Variants in CHD3 observed in about 807,000 individuals in gnomAD.
The protein encoded by CHD3 is chromodomain helicase DNA binding protein 3.
A neutral mutation model predicts 248.9 loss-of-function variants in CHD3; 52 were observed. The observed-to-expected ratio is 0.21, with a 90% CI of 0.17 to 0.26. The LOEUF (loss-of-function observed/expected upper bound fraction) is 0.26, where lower values mean the gene tolerates loss of function less well. CHD3 is among the 10% of genes least tolerant of loss of function. The pLI, the probability that CHD3 is intolerant of heterozygous loss-of-function variation, is 1.00. For synonymous variants in CHD3, 985 were observed against 985.2 expected (o/e 1.00, Z 0.00); for missense variants, 1,482 against 2,605.8 (o/e 0.57, Z 9.39).
In CHD3 at chr17:7,900,132, T is replaced by C. The variant is rs967853615; in HGVS notation, c.2682+99T>C. ...AAAATTCTGGGGATTTTCTGTAGTCTGGGAGGACGTCCAGGTTGGAAGAGG... is the reference window on the plus strand; with the variant it reads ...AAAATTCTGGGGATTTTCTGTAGTCCGGGAGGACGTCCAGGTTGGAAGAGG... On this transcript the variant is annotated intron_variant, in intron 16 of 39. Transcript: ENST00000330494. The surrounding 1 kb of genome is among the most constrained non-coding windows in gnomAD (Gnocchi z 6.5). The C allele has an allele frequency of 2.6e-6, 4 of 1,528,042 alleles. No individual in the cohort carries two copies. The African/African-American group carries it at 5.5e-5, about 21-fold the overall frequency. The allele number at this position is 1,528,042 out of a possible 1,614,324, so 94.7% of individuals were successfully genotyped here.
chr17:7,898,908 G>C (rs960203408), intron 13 of CHD3, 103 bp from the exon 14 acceptor site: 5 of 1,037,708 alleles, frequency 4.8e-6, no homozygotes, highest in Non-Finnish European at 7.5e-6. Context: ...CCATAGTAGA[G>C]GGAATTGTAA....
Position 7,900,254 on chromosome 17 carries a change from G to A in CHD3, c.2683-36G>A. ...TGGGTCGGTCACTTGTCACTAATAA[G>A]CCCATTTTCCTGCCTTGCCTTGCCC... On this transcript the variant is annotated intron_variant, in intron 16 of 39. Transcript: ENST00000330494. This position sits in a 1 kb window ranked among gnomAD's most constrained non-coding sequence, Gnocchi z 6.5. 6.2e-7 allele frequency: 1 copy of A among 1,613,486 alleles called. No individual in the cohort carries two copies. The highest frequency in any genetic ancestry group is 8.5e-7 in the Non-Finnish European group (1 of 1,179,836).
At chr17:7,885,022 C>A (rs1197507620), upstream of CHD3, 1 of 1,198,838 alleles carries the variant, frequency 8.3e-7, no homozygotes, top group East Asian at 3.5e-5. Context: ...GCTGCCACCT[C>A]TTCCCGCCGC....
At chr17:7,896,821 G>A (rs148863706) in intron 10 of CHD3, among the ~76,000 whole-genome samples, 2,816 of 152,108 alleles carry the variant, frequency 0.019, 37 homozygotes, top group Middle Eastern at 0.095. Context: ...ACCACACCTG[G>A]CTAATTTCTG....
In CHD3 at chr17:7,900,082, C is replaced by T; in HGVS notation, c.2682+49C>T. ...AAAACTTGAAGTTGTGGACTTCCCA[C>T]TTGCCTTGGTCCTAAAAAACAACAA... On this transcript the variant is annotated intron_variant, in intron 16 of 39. Transcript: ENST00000330494. This position sits in a 1 kb window ranked among gnomAD's most constrained non-coding sequence, Gnocchi z 6.5. 2 of 1,570,698 alleles carry T rather than the reference C, an allele frequency of 1.3e-6. No homozygotes were observed. The highest frequency in any genetic ancestry group is 1.7e-6 in the Non-Finnish European group (2 of 1,155,432).
At chr17:7,890,355 G>A (rs1031868077) in intron 2 of CHD3, 1 of 402,256 alleles carries the variant, frequency 2.5e-6, no homozygotes, top group African/African-American at 2.1e-5. Context: ...CTTGAACCCG[G>A]GAGGTGGAGG....
chr17:7,890,501 G>C, intron 2 of CHD3, 70 bp from the exon 3 acceptor site: 1 of 1,063,334 alleles, frequency 9.4e-7, no homozygotes. Flanking sequence ...GGTAAGATAT[G>C]GTATGTGCTG....
In CHD3 at chr17:7,901,282, G is replaced by A; in HGVS notation, c.3159G>A (p.Gly1053=). 5 of 1,613,552 alleles carry A rather than the reference G, an allele frequency of 3.1e-6. No individual in the cohort carries two copies. Among genetic ancestry groups the A allele is most frequent in the South Asian group, 2.2e-5 (2 of 91,046 alleles). The change falls in exon 20 of 40, where the codon GGG becomes GGA. Residue 1053 remains glycine, a synonymous_variant. Transcript: ENST00000330494. The stretch of plus-strand genomic sequence containing the variant: ...TCCCCAGTGGGGCTTATGAGGGTGG[G>A]GCACTTATTAAGTCGTCTGGGAAGC... The part of the protein sequence containing the change: ...PKLPSGAYEG[G]ALIKSSGKLM...
chr17:7,885,043 G>GCCGCCA (rs1241916951), upstream of CHD3: 5 of 1,088,750 alleles, frequency 4.6e-6, no homozygotes, highest in Non-Finnish European at 5.6e-6. Context: ...CGCCGCCGCC[G>GCCGCCA]CCGCCACCGC....
At position 7,903,738 on chromosome 17, in the gene CHD3, T is replaced by C. The variant is rs1970576649; in HGVS notation, c.3728-87T>C. 1 of 1,430,938 alleles carries C rather than the reference T, an allele frequency of 7.0e-7. No individual in the cohort carries two copies. The highest frequency in any genetic ancestry group is 2.3e-5 in the East Asian group (1 of 42,664). The allele number at this position is 1,430,938 out of a possible 1,614,324, so 88.6% of individuals were successfully genotyped here. A position where few individuals can be genotyped will look rare whatever the true frequency, so the allele number is the denominator to read the frequency against. On this transcript the variant is annotated intron_variant, in intron 23 of 39. Coordinates refer to ENST00000330494, the MANE Select transcript of CHD3 (RefSeq NM_001005273.3). The surrounding 1 kb of genome is among the most constrained non-coding windows in gnomAD (Gnocchi z 6.8). ...GGGAAAAAGCCTTCTCTAGGGCTCC[T>C]GTGAAAAGGACGCAGAGTAGAAGCT...
rs555142389 is a variant in CHD3 at position 7,903,724 on chromosome 17, T to C, written c.3728-101T>C. 2.7e-5 allele frequency: 36 copies of C among 1,331,942 alleles called. No individual in the cohort carries two copies. The South Asian group carries it at 5.1e-4, about 19-fold the overall frequency. 82.5% of individuals were successfully genotyped at this position (1,331,942 alleles called of 1,614,324 possible). ...AACATTGGCTCCCGGGGAAAAAGCC[T>C]TCTCTAGGGCTCCTGTGAAAAGGAC... On this transcript the variant is annotated intron_variant, in intron 23 of 39. Coordinates refer to ENST00000330494, the MANE Select transcript of CHD3 (RefSeq NM_001005273.3). This position sits in a 1 kb window ranked among gnomAD's most constrained non-coding sequence, Gnocchi z 6.8.
Position 7,895,189 on chromosome 17 carries a change from C to T in CHD3, c.1503+39C>T. 1 of 1,599,528 alleles carries T rather than the reference C, an allele frequency of 6.3e-7. No individual in the cohort carries two copies. ...TCTCCCCTCTGTATTTACTGTCAGG[C>T]CTGATCCCTTCCCCCATCCCTGGGG... is the stretch of plus-strand genomic sequence containing the variant. On this transcript the variant is annotated intron_variant, in intron 9 of 39. Coordinates refer to ENST00000330494, the MANE Select transcript of CHD3 (RefSeq NM_001005273.3). The surrounding 1 kb of genome is among the most constrained non-coding windows in gnomAD (Gnocchi z 4.9).
Position 7,894,449 on chromosome 17 carries a change from G to A in CHD3, c.1110G>A (p.Glu370=). The change falls in exon 8 of 40, where the codon GAG becomes GAA. Residue 370 remains glutamate (E), a synonymous_variant. Coordinates refer to ENST00000330494, the MANE Select transcript of CHD3 (RefSeq NM_001005273.3). ...GTCCTGCAGTGGCCGGGGAGGAGGA[G>A]GTTGATGGCTACGAGACGGATCACC... ...LGCPAVAGEE[E]VDGYETDHQD... is the part of the protein sequence containing the mutation. 1 of 1,614,070 alleles carries A rather than the reference G, an allele frequency of 6.2e-7. No individual in the cohort carries two copies.
chr17:7,885,923 G>C (rs927735407), upstream of CHD3, among the ~76,000 whole-genome samples: 3 of 152,232 alleles, frequency 2.0e-5, no homozygotes, highest in Non-Finnish European at 4.4e-5. Flanking sequence ...TCGGATTGGG[G>C]AGCGGAGAGA....
Position 7,891,002 on chromosome 17 carries a change from T to G in CHD3, c.447T>G (p.His149Gln). ...LLTWGLEDVE[H>Q]VFSEEDYHTL... ...CCTGGGGCCTGGAGGATGTGGAGCA[T>G]GTGTTCTCTGAGGAGGATTACCACA... Residue 149 changes from histidine (H) to glutamine (Q), a missense_variant, in exon 4 of 40, where the codon CAT becomes CAG. Coordinates refer to ENST00000330494, the MANE Select transcript of CHD3 (RefSeq NM_001005273.3). 1 of 1,614,100 alleles carries G rather than the reference T, an allele frequency of 6.2e-7. No individual in the cohort carries two copies. The highest frequency in any genetic ancestry group is 8.5e-7 in the Non-Finnish European group (1 of 1,179,992).
chr17:7,884,827 C>CGAG (rs781353736), upstream of CHD3: 43 of 803,768 alleles, frequency 5.3e-5, no homozygotes, highest in Non-Finnish European at 6.4e-5. Context: ...CTCTGAGGGA[C>CGAG]GAGGAGGAGG....
chr17:7,887,664 A>C (rs1026842230), upstream of CHD3, among the ~76,000 whole-genome samples: 5 of 151,504 alleles, frequency 3.3e-5, no homozygotes, highest in Non-Finnish European at 7.4e-5. Context: ...GATTAGAAGA[A>C]GAGAGGGGCG....
chr17:7,893,613 T>G (rs758306421), intron 5 of CHD3, 44 bp downstream of exon 5: 1 of 1,536,264 alleles, frequency 6.5e-7, no homozygotes, highest in Non-Finnish European at 8.8e-7. Context: ...CCTTCCAAAC[T>G]GCATGTCTTC....
In CHD3 at chr17:7,897,944, T is replaced by TCCTCCCCATGGCCTCCTGCC. The variant is rs1202264421; in HGVS notation, c.1920-24_1920-5dup. On this transcript the variant is annotated intron_variant, in intron 11 of 39. Coordinates refer to ENST00000330494, the MANE Select transcript of CHD3 (RefSeq NM_001005273.3). This position sits in a 1 kb window ranked among gnomAD's most constrained non-coding sequence, Gnocchi z 4.8. Reference sequence around the variant, plus strand: ...GATCTGTGCAATATTTTCCTCCTGCTCCTCCCCATGGCCTCCTGCCCCACA... The same window carrying TCCTCCCCATGGCCTCCTGCC: ...GATCTGTGCAATATTTTCCTCCTGCTCCTCCCCATGGCCTCCTGCCCCTCCCCATGGCCTCCTGCCCCACA... The TCCTCCCCATGGCCTCCTGCC allele has an allele frequency of 1.2e-6, 2 of 1,603,948 alleles. No homozygotes were observed.
Sources: gnomAD v4.1 joint callset for allele counts (sites outside exome capture counted in the v4.1 genomes callset) on GRCh38, gnomAD v4.1.1 for gene constraint, Gnocchi (gnomAD v3.1) non-coding constraint, MANE v1.5 for transcripts, NCBI Gene and HGNC (gene_info 2026-07-23, HGNC 2026-07-21) for gene names.